Variants in CATSPERT observed in about 807,000 individuals in gnomAD.
The protein encoded by CATSPERT is catsper channel auxiliary subunit tau, also known as cation channel sperm-associated targeting subunit tau.
At chr2:201,502,493 A>C in the CATSPERT span, among the ~76,000 whole-genome samples, 1 of 151,154 alleles carries the variant, frequency 6.6e-6, no homozygotes, top group South Asian at 2.1e-4. Flanking sequence ...AATCTCTTCA[A>C]CCTGGGAGGT....
the CATSPERT span, chr2:201,491,034 T>C: frequency 1.3e-6 from 1 of 778,426 alleles, no homozygotes; most frequent in Admixed American, 3.2e-5. Flanking sequence ...TTCAGAGGAA[T>C]TTTTAAATTG....
chr2:201,515,234 T>C, the CATSPERT span, among the ~76,000 whole-genome samples: 2 of 82,400 alleles, frequency 2.4e-5, no homozygotes, highest in Non-Finnish European at 4.3e-5. Context: ...TTTTTTTTTT[T>C]TTTTTTTTTT....
At chr2:201,507,408 C>CGTAT in the CATSPERT span, among the ~76,000 whole-genome samples, 1 of 152,104 alleles carries the variant, frequency 6.6e-6, no homozygotes, top group East Asian at 1.9e-4. Context: ...CAAACTATAC[C>CGTAT]AATCTATAAT....
At chr2:201,513,317 C>A in the CATSPERT span, among the ~76,000 whole-genome samples, 1 of 152,042 alleles carries the variant, frequency 6.6e-6, no homozygotes, top group Non-Finnish European at 1.5e-5. Context: ...AAGCAGCAAA[C>A]ATATTTAAAA....
chr2:201,537,329 T>A, the CATSPERT span: 2 of 896,672 alleles, frequency 2.2e-6, no homozygotes, highest in Non-Finnish European at 3.3e-6. Context: ...AACAACTGAG[T>A]AACTTCTTGG....
chr2:201,583,071 C>A, the CATSPERT span, among the ~76,000 whole-genome samples: 1 of 152,114 alleles, frequency 6.6e-6, no homozygotes, highest in Non-Finnish European at 1.5e-5. Context: ...ATTTTAAAAG[C>A]AAAACAGGGT....
At chr2:201,521,178 A>C in the CATSPERT span, among the ~76,000 whole-genome samples, 1 of 152,230 alleles carries the variant, frequency 6.6e-6, no homozygotes, top group East Asian at 1.9e-4. Context: ...TTAAAGAAGA[A>C]TTAATACCAA....
the CATSPERT span, among the ~76,000 whole-genome samples, chr2:201,576,992 C>G: frequency 6.6e-6 from 1 of 152,056 alleles, no homozygotes; most frequent in Non-Finnish European, 1.5e-5. Flanking sequence ...TGAGTAGGTC[C>G]ACAATTTTCC....
At chr2:201,559,810 C>T in the CATSPERT span, among the ~76,000 whole-genome samples, 324 of 152,182 alleles carry the variant, frequency 2.1e-3, 3 homozygotes, top group African/African-American at 7.3e-3. Context: ...CTACTACATA[C>T]GACTGAAAGA....
the CATSPERT span, among the ~76,000 whole-genome samples, chr2:201,590,036 C>T: frequency 1.3e-5 from 2 of 151,630 alleles, no homozygotes; most frequent in Non-Finnish European, 1.5e-5. Context: ...GCACAATGTG[C>T]AGGTTAGTTA....
chr2:201,581,678 G>T, the CATSPERT span, among the ~76,000 whole-genome samples: 1 of 144,860 alleles, frequency 6.9e-6, no homozygotes, highest in African/African-American at 2.6e-5. Flanking sequence ...GTGCAATCTT[G>T]GCTCACCACA....
chr2:201,534,126 G>C, the CATSPERT span, among the ~76,000 whole-genome samples: 1 of 151,726 alleles, frequency 6.6e-6, no homozygotes, highest in African/African-American at 2.4e-5. Context: ...CAGAAAGAAG[G>C]AAACAGACAC....
the CATSPERT span, among the ~76,000 whole-genome samples, chr2:201,573,613 C>T: frequency 6.6e-6 from 1 of 152,118 alleles, no homozygotes; most frequent in Admixed American, 6.6e-5. Context: ...ACTTGTGTTT[C>T]AAATTACATC....
At chr2:201,495,989 T>C in the CATSPERT span, 1 of 1,423,428 alleles carries the variant, frequency 7.0e-7, no homozygotes, top group Non-Finnish European at 9.8e-7. Flanking sequence ...AAAGAAGTTC[T>C]AATTTTAGAT....
the CATSPERT span, among the ~76,000 whole-genome samples, chr2:201,499,576 G>A: frequency 5.3e-4 from 81 of 152,208 alleles, 1 homozygote; most frequent in African/African-American, 1.8e-3. Flanking sequence ...GCTCACACCT[G>A]TAATCCCAGC....
At chr2:201,523,240 C>T in the CATSPERT span, among the ~76,000 whole-genome samples, 1 of 152,168 alleles carries the variant, frequency 6.6e-6, no homozygotes, top group Admixed American at 6.5e-5. Flanking sequence ...TGCCAGCAGT[C>T]CCCATTGGAG....
the CATSPERT span, among the ~76,000 whole-genome samples, chr2:201,612,709 G>C: frequency 6.6e-6 from 1 of 152,148 alleles, no homozygotes; most frequent in African/African-American, 2.4e-5. Flanking sequence ...CATCTCACTG[G>C]GGCTTGTCAG....
At chr2:201,604,538 T>C in the CATSPERT span, 5 of 930,332 alleles carry the variant, frequency 5.4e-6, no homozygotes, top group South Asian at 8.7e-5. Context: ...GAGAGAACCA[T>C]TTTCTGCATA....
At chr2:201,568,379 C>G in the CATSPERT span, among the ~76,000 whole-genome samples, 3 of 152,144 alleles carry the variant, frequency 2.0e-5, no homozygotes, top group Non-Finnish European at 2.9e-5. Flanking sequence ...CTGATATACC[C>G]CTAAGTTAGG....
Sources: allele counts gnomAD v4.1 joint callset (sites outside exome capture counted in the v4.1 genomes callset), GRCh38; gene constraint gnomAD v4.1.1; transcripts MANE v1.5; gene names NCBI Gene and HGNC (gene_info 2026-07-23, HGNC 2026-07-21).